The following CMA1 variants were observed in gnomAD, a reference collection of about 807,000 sequenced individuals.
CMA1 encodes chymase.
Under a neutral mutation model 18.8 loss-of-function variants are expected in CMA1, and 24 were observed. The observed-to-expected ratio is 1.28, with a 90% CI of 0.92 to 1.80. The LOEUF (loss-of-function observed/expected upper bound fraction) is 1.80, where lower values mean the gene tolerates loss of function less well. Among genes scored for constraint, CMA1 ranks in the 40% most tolerant of loss-of-function variants. CMA1 has a pLI of 0.00. For missense variants in CMA1, 421 were observed against 302.8 expected, an observed-to-expected ratio of 1.39 and a Z score of -2.90; for synonymous variants, 152 against 117.0, an observed-to-expected ratio of 1.30 and a Z score of -1.93.
intron 4 of CMA1, 37 bp from the exon 5 acceptor site, chr14:24,505,696 G>C: frequency 6.4e-7 from 1 of 1,568,992 alleles, no homozygotes. Context: ...GGTGAGCCCG[G>C]GAAGTCCTCC....
chr14:24,508,218 G>T lies in CMA1; in HGVS notation c.18C>A (p.Leu6=), dbSNP rs947954835. 8.1e-6 allele frequency: 13 copies of T among 1,613,682 alleles called. No individual in the cohort carries two copies. In the Admixed American group the frequency reaches 8.3e-5, roughly 10 times the overall value. Residue 6 remains leucine (L), a synonymous_variant, in exon 1 of 5, where the codon CTC becomes CTA. Transcript: ENST00000250378. The stretch of plus-strand genomic sequence containing the variant: ...AGCACAAGAGAAAGAGCAGCAGGGG[G>T]AGAGGAAGAAGCAGCATCTTCCCAG... MLLLP[L]PLLLFLLCSR... is the part of the protein sequence containing the mutation.
In CMA1 at chr14:24,505,538, T is replaced by A. The variant is rs746542097; in HGVS notation, c.722A>T (p.Asn241Ile). 7 of 1,614,088 alleles carry A rather than the reference T, an allele frequency of 4.3e-6. No homozygotes were observed. Among genetic ancestry groups the A allele is most frequent in the Non-Finnish European group, 5.9e-6 (7 of 1,180,018 alleles). ...GGATTAATTTGCCTGCAGGATCTGG[T>A]TGATCCAGGGCCGGTAATGGGAGAT... is the stretch of plus-strand genomic sequence containing the variant. Reference protein sequence around the residue: ...TRISHYRPWINQILQAN With the variant: ...TRISHYRPWIIQILQAN Residue 241 changes from asparagine (N) to isoleucine (I), a missense_variant, in exon 5 of 5, where the codon AAC (asparagine) becomes ATC (isoleucine). By Grantham distance (149) the Asn-to-Ile change is moderately radical. Transcript: ENST00000250378.
chr14:24,506,016 T>A lies in CMA1; in HGVS notation c.600+12A>T, dbSNP rs1407457285. 5.0e-6 allele frequency: 8 copies of A among 1,613,194 alleles called. No individual in the cohort carries two copies. Among genetic ancestry groups the A allele is most frequent in the Non-Finnish European group, 6.8e-6 (8 of 1,179,416 alleles). On this transcript the variant is annotated intron_variant, in intron 4 of 4. Transcript: ENST00000250378. Reference sequence around the variant, plus strand: ...AGTGAGTTTTGGAGAGGAAACCTAGTTGGAGGATCACCTTAAATGCAGATT... The same window carrying A: ...AGTGAGTTTTGGAGAGGAAACCTAGATGGAGGATCACCTTAAATGCAGATT...
intron 2 of CMA1, 141 bp downstream of exon 2, chr14:24,507,215 G>T: frequency 1.0e-6 from 1 of 965,916 alleles, no homozygotes; most frequent in Non-Finnish European, 1.6e-6. Flanking sequence ...ACAGACTAAA[G>T]TCTTTCAGCC....
Position 24,508,228 on chromosome 14 carries a change from A to C in CMA1, c.8T>G (p.Leu3Arg), listed in dbSNP as rs138627111. The change falls in exon 1 of 5, where the codon CTT becomes CGT. Residue 3 changes from leucine to arginine, a missense_variant. Physicochemically the swap from Leu to Arg is moderately radical, Grantham distance 102 (BLOSUM62 -2). Coordinates refer to ENST00000250378, the MANE Select transcript of CMA1 (RefSeq NM_001836.5). ...AAAGAGCAGCAGGGGGAGAGGAAGAAGCAGCATCTTCCCAGAGAGGCTGCC... is the reference window on the plus strand; with the variant it reads ...AAAGAGCAGCAGGGGGAGAGGAAGACGCAGCATCTTCCCAGAGAGGCTGCC... ML[L>R]LPLPLLLFLL... 6.2e-7 allele frequency: 1 copy of C among 1,613,606 alleles called. No individual in the cohort carries two copies. Among genetic ancestry groups the C allele is most frequent in the Non-Finnish European group, 8.5e-7 (1 of 1,179,820 alleles).
At chr14:24,506,349 G>A (rs1345074007) in intron 3 of CMA1, 67 bp from the exon 4 acceptor site, 3 of 1,593,318 alleles carry the variant, frequency 1.9e-6, no homozygotes, top group Non-Finnish European at 2.6e-6. Context: ...TGATCAGGGA[G>A]GGACAGGGTG....
intron 2 of CMA1, 115 bp from the exon 3 acceptor site, chr14:24,506,719 T>G: frequency 7.0e-6 from 9 of 1,283,776 alleles, no homozygotes; most frequent in Non-Finnish European, 9.7e-6. Flanking sequence ...CGCCGGACTC[T>G]ACCCATCTCC....
In CMA1 at chr14:24,505,878, G is replaced by A; in HGVS notation, c.600+150C>T. 4 of 1,166,522 alleles carry A rather than the reference G, an allele frequency of 3.4e-6. No homozygotes were observed. In the South Asian group the frequency reaches 6.0e-5, roughly 18 times the overall value. The allele number at this position is 1,166,522 out of a possible 1,614,324, so 72.3% of individuals were successfully genotyped here. The stretch of plus-strand genomic sequence containing the variant: ...CCAGTGCAGTAGACTGGAATGGATG[G>A]TCAGAGGCTGTCTTGGACCACGGGA... On this transcript the variant is annotated intron_variant, in intron 4 of 4. Transcript: ENST00000250378.
chr14:24,507,196 T>G (rs1279681500), intron 2 of CMA1, among the ~76,000 whole-genome samples, 160 bp downstream of exon 2: 1 of 152,200 alleles, frequency 6.6e-6, no homozygotes, highest in East Asian at 1.9e-4. Flanking sequence ...CTCAAGGAAC[T>G]ATTCAAACAC....
At position 24,506,636 on chromosome 14, in the gene CMA1, G is replaced by A. The variant is rs1288961219; in HGVS notation, c.210-32C>T. On this transcript the variant is annotated intron_variant, in intron 2 of 4. Coordinates refer to ENST00000250378, the MANE Select transcript of CMA1 (RefSeq NM_001836.5). ...TGAGGAAGAAGGAAGGAAAAGGAGC[G>A]ACAGTGATGGCTTGGGGTTTCTTCT... The A allele has an allele frequency of 6.2e-6, 10 of 1,610,412 alleles. No individual in the cohort carries two copies. The South Asian group carries it at 6.6e-5, about 11-fold the overall frequency.
intron 4 of CMA1, 72 bp downstream of exon 4, chr14:24,505,956 C>T (rs980566264): frequency 1.9e-6 from 3 of 1,564,788 alleles, no homozygotes; most frequent in East Asian, 4.5e-5. Flanking sequence ...ACCTTCTGAC[C>T]CCATCTCCTT....
chr14:24,506,034 T>C lies in CMA1; in HGVS notation c.594A>G (p.Ala198=). 6.2e-7 allele frequency: 1 copy of C among 1,614,130 alleles called. No homozygotes were observed. The highest frequency in any genetic ancestry group is 8.5e-7 in the Non-Finnish European group (1 of 1,179,978). Residue 198 remains alanine, a synonymous_variant, in exon 4 of 5, where the codon GCA becomes GCG. Coordinates refer to ENST00000250378, the MANE Select transcript of CMA1 (RefSeq NM_001836.5). ...AACCTAGTTGGAGGATCACCTTAAATGCAGATTTTGTCTTCCTGGGATTGC... is the reference window on the plus strand; with the variant it reads ...AACCTAGTTGGAGGATCACCTTAAACGCAGATTTTGTCTTCCTGGGATTGC... ...CVGNPRKTKS[A]FKGDSGGPLL...
intron 1 of CMA1, 109 bp downstream of exon 1, chr14:24,508,069 T>G: frequency 9.2e-7 from 1 of 1,084,708 alleles, no homozygotes; most frequent in Non-Finnish European, 1.4e-6. Context: ...CTGGGACTCT[T>G]GAAGAGAGAT....
chr14:24,505,492 T>C lies in CMA1; in HGVS notation c.*24A>G, dbSNP rs1175656780. 16 of 1,613,796 alleles carry C rather than the reference T, an allele frequency of 9.9e-6. No homozygotes were observed. The highest frequency in any genetic ancestry group is 1.3e-5 in the Non-Finnish European group (15 of 1,179,984). ...GCTCAGGTCCAGTTCCAGCTTCCCT[T>C]TCAGGCTGGCTCAGGATCCAGGATT... On this transcript the variant is annotated 3_prime_UTR_variant, in exon 5 of 5. Coordinates refer to ENST00000250378, the MANE Select transcript of CMA1 (RefSeq NM_001836.5).
intron 1 of CMA1, 163 bp downstream of exon 1, chr14:24,508,015 G>C: frequency 1.6e-6 from 1 of 634,030 alleles, no homozygotes; most frequent in Non-Finnish European, 2.8e-6. Flanking sequence ...GCAGTGGGTG[G>C]GGGTGGGGGT....
At chr14:24,507,596 C>G in intron 1 of CMA1, 90 bp from the exon 2 acceptor site, 2 of 1,450,004 alleles carry the variant, frequency 1.4e-6, no homozygotes, top group Non-Finnish European at 1.9e-6. Flanking sequence ...CTAGGCTTCC[C>G]TGGAATCTCA....
In CMA1 at chr14:24,506,292, G is replaced by T; in HGVS notation, c.346-10C>A. ...TGGCTTTCTCCTTCAACTGTGAAGGGAATGAAGGACTGTCAGTCCTCGAAA... is the reference window on the plus strand; with the variant it reads ...TGGCTTTCTCCTTCAACTGTGAAGGTAATGAAGGACTGTCAGTCCTCGAAA... On this transcript the variant is annotated splice_polypyrimidine_tract_variant and intron_variant, in intron 3 of 4. Transcript: ENST00000250378. The T allele has an allele frequency of 1.2e-5, 20 of 1,612,948 alleles. No individual in the cohort carries two copies. Among genetic ancestry groups the T allele is most frequent in the Non-Finnish European group, 1.6e-5 (19 of 1,179,346 alleles).
chr14:24,508,228 A>G lies in CMA1; in HGVS notation c.8T>C (p.Leu3Pro), dbSNP rs138627111. The G allele has an allele frequency of 6.2e-7, 1 of 1,613,606 alleles. No homozygotes were observed. The highest frequency in any genetic ancestry group is 2.2e-5 in the East Asian group (1 of 44,878). ML[L>P]LPLPLLLFLL... ...AAAGAGCAGCAGGGGGAGAGGAAGAAGCAGCATCTTCCCAGAGAGGCTGCC... is the reference window on the plus strand; with the variant it reads ...AAAGAGCAGCAGGGGGAGAGGAAGAGGCAGCATCTTCCCAGAGAGGCTGCC... Residue 3 changes from leucine (L) to proline (P), a missense_variant, in exon 1 of 5, where the codon CTT becomes CCT. Physicochemically the swap from Leu to Pro is moderately conservative, Grantham distance 98 (BLOSUM62 -3). Coordinates refer to ENST00000250378, the MANE Select transcript of CMA1 (RefSeq NM_001836.5).
rs79410819 is a variant in CMA1 at position 24,506,171 on chromosome 14, C to A, written c.457G>T (p.Gly153Cys). The A allele has an allele frequency of 3.9e-4, 630 of 1,614,208 alleles. 2 individuals carry two copies. In the African/African-American group the frequency reaches 7.6e-3, roughly 19 times the overall value. The change falls in exon 4 of 5, where the codon GGT becomes TGT. Residue 153 changes from glycine to cysteine, a missense_variant. Physicochemically the swap from Gly to Cys is radical, Grantham distance 159. Transcript: ENST00000250378. ...MCRVAGWGRT[G>C]VLKPGSDTLQ... ...GTGTCTGAGCCCGGCTTCAACACAC[C>A]TGTTCTTCCCCAGCCAGCCACCCGG...
Sources: allele counts gnomAD v4.1 joint callset (sites outside exome capture counted in the v4.1 genomes callset), GRCh38; gene constraint gnomAD v4.1.1; transcripts MANE v1.5; gene names NCBI Gene and HGNC (gene_info 2026-07-23, HGNC 2026-07-21).